The following RARB variants were observed in gnomAD, a reference collection of about 807,000 sequenced individuals.
The protein encoded by RARB is HBV-activated protein.
Under a neutral mutation model 51.9 loss-of-function variants are expected in RARB, and 17 were observed. The observed-to-expected ratio is 0.33, with a 90% CI of 0.22 to 0.49. The LOEUF (loss-of-function observed/expected upper bound fraction) is 0.49, where lower values mean the gene tolerates loss of function less well. RARB is among the 20% of genes least tolerant of loss of function. The probability of loss-of-function intolerance (pLI) is 0.99; values close to 1 mark genes in which losing one functional copy is unlikely to be tolerated. For synonymous variants in RARB, 215 were observed against 195.4 expected (o/e 1.10, Z -0.84); for missense variants, 369 against 550.8 (o/e 0.67, Z 3.30).
At chr3:25,014,751 G>A (rs1697471781) in intron 2 of RARB, among the ~76,000 whole-genome samples, 1 of 152,038 alleles carries the variant, frequency 6.6e-6, no homozygotes, top group African/African-American at 2.4e-5. Context: ...TAGAGCTAGA[G>A]AGTGAGATGG....
chr3:24,958,262 T>G (rs1023078387), intron 2 of RARB, among the ~76,000 whole-genome samples: 2,440 of 117,258 alleles, frequency 0.021, 104 homozygotes, highest in African/African-American at 0.081. Flanking sequence ...CAGGTTTTTT[T>G]TTTTTTTTTT....
intron 2 of RARB, among the ~76,000 whole-genome samples, chr3:24,884,655 T>C (rs1268065800): frequency 6.6e-6 from 1 of 152,218 alleles, no homozygotes; most frequent in African/African-American, 2.4e-5. Flanking sequence ...TTTCTAGATT[T>C]CTTTGTGAAA....
At chr3:25,265,123 G>T (rs1703093667) in intron 5 of RARB, among the ~76,000 whole-genome samples, 1 of 152,124 alleles carries the variant, frequency 6.6e-6, no homozygotes, top group Non-Finnish European at 1.5e-5. Flanking sequence ...TCTGTTGTTT[G>T]TAAGTTACCC....
intron 2 of RARB, among the ~76,000 whole-genome samples, chr3:24,990,098 C>G (rs548025979): frequency 0.01 from 935 of 89,770 alleles, 264 homozygotes; most frequent in African/African-American, 0.039. Context: ...CGCGCCCTGC[C>G]TTTCTTTTTA....
intron 1 of RARB, among the ~76,000 whole-genome samples, chr3:25,443,738 C>G (rs6775404): frequency 0.29 from 43,900 of 151,674 alleles, 6,485 homozygotes; most frequent in South Asian, 0.33. Flanking sequence ...TCAAGACCAG[C>G]CTGGCCAACA....
At chr3:25,230,195 T>C (rs1223815811) in intron 5 of RARB, among the ~76,000 whole-genome samples, 1 of 152,138 alleles carries the variant, frequency 6.6e-6, no homozygotes, top group African/African-American at 2.4e-5. Flanking sequence ...TGGAGAGGAA[T>C]GATTTTATAA....
At chr3:25,053,312 T>C (rs577891047) in intron 2 of RARB, among the ~76,000 whole-genome samples, 4 of 152,180 alleles carry the variant, frequency 2.6e-5, no homozygotes, top group Non-Finnish European at 4.4e-5. Flanking sequence ...CCTTGTATCA[T>C]ACATGGTCAC....
intron 3 of RARB, among the ~76,000 whole-genome samples, chr3:25,530,665 C>A (rs1331225918): frequency 1.3e-5 from 2 of 152,180 alleles, no homozygotes; most frequent in Non-Finnish European, 2.9e-5. Context: ...GTAATTACAG[C>A]AGGCCCACCT....
intron 5 of RARB, among the ~76,000 whole-genome samples, chr3:25,199,681 T>G (rs186038556): frequency 2.1e-4 from 32 of 152,226 alleles, no homozygotes; most frequent in African/African-American, 7.2e-4. Context: ...CACCTATGAG[T>G]GAGAACATGC....
intron 2 of RARB, among the ~76,000 whole-genome samples, chr3:24,969,039 G>A (rs531286103): frequency 5.3e-5 from 8 of 151,918 alleles, no homozygotes; most frequent in African/African-American, 1.4e-4. Context: ...GCTAGGCACA[G>A]GATAGAAAAA....
At chr3:25,365,879 A>T (rs527720074) in intron 5 of RARB, among the ~76,000 whole-genome samples, 1 of 152,360 alleles carries the variant, frequency 6.6e-6, no homozygotes, top group Admixed American at 6.5e-5. Context: ...GTCAGCAATC[A>T]CATGGCAACA....
intron 3 of RARB, among the ~76,000 whole-genome samples, chr3:25,516,976 C>T (rs769496335): frequency 9.2e-5 from 14 of 152,152 alleles, no homozygotes; most frequent in East Asian, 5.8e-4. Flanking sequence ...TATATACTGA[C>T]GGCAGAAAAG....
intron 2 of RARB, among the ~76,000 whole-genome samples, chr3:25,483,866 G>A (rs755553489): frequency 1.8e-4 from 27 of 152,246 alleles, no homozygotes; most frequent in Middle Eastern, 6.8e-3. Context: ...AAAATGAAGC[G>A]TGATTATAAA....
At chr3:25,128,784 G>C (rs1699900123) in intron 3 of RARB, among the ~76,000 whole-genome samples, 1 of 151,290 alleles carries the variant, frequency 6.6e-6, no homozygotes, top group Non-Finnish European at 1.5e-5. Flanking sequence ...GTTAATCACT[G>C]AAAAAAAGAA....
chr3:25,580,468 T>C (rs1701127493), intron 4 of RARB, 78 bp from the exon 5 acceptor site: 14 of 1,352,484 alleles, frequency 1.0e-5, no homozygotes, highest in East Asian at 4.7e-5. Flanking sequence ...CCCCCTCTAA[T>C]TGGAAACACA....
chr3:25,340,200 A>C (rs2125450282), intron 5 of RARB, among the ~76,000 whole-genome samples: 1 of 152,260 alleles, frequency 6.6e-6, no homozygotes, highest in Non-Finnish European at 1.5e-5. Context: ...GCTGACTACA[A>C]AGGACTCTGA....
intron 4 of RARB, among the ~76,000 whole-genome samples, chr3:25,167,500 T>C (rs919289437): frequency 6.6e-6 from 1 of 152,182 alleles, no homozygotes; most frequent in Admixed American, 6.5e-5. Flanking sequence ...TGCAAGGAGA[T>C]ACTAGCAGTG....
In RARB at chr3:25,079,247, A is replaced by T. The variant is rs536505590; in HGVS notation, c.-328+19071A>T. The stretch of plus-strand genomic sequence containing the variant: ...TAATTGTATCCTTCTACCTTGCTAA[A>T]TTTACTTACACATTTTTAATAAATA... On this transcript the variant is annotated intron_variant, in intron 3 of 11. Transcript: ENST00000383772. Among the ~76,000 whole-genome samples, 78 of 152,250 alleles carry T rather than the reference A, an allele frequency of 5.1e-4. 2 individuals carry two copies. In the South Asian group the frequency reaches 0.015, roughly 28 times the overall value.
intron 5 of RARB, among the ~76,000 whole-genome samples, chr3:25,204,386 C>T (rs750677512): frequency 1.4e-4 from 21 of 152,162 alleles, no homozygotes; most frequent in South Asian, 4.1e-4. Flanking sequence ...TCCTTTAGCT[C>T]GGAGAAGTTT....
Sources: gnomAD v4.1 joint callset for allele counts (sites outside exome capture counted in the v4.1 genomes callset) on GRCh38, gnomAD v4.1.1 for gene constraint, MANE v1.5 for transcripts, NCBI Gene and HGNC (gene_info 2026-07-23, HGNC 2026-07-21) for gene names.